ZPBP: variants seen among roughly 807,000 people sequenced by gnomAD.
The protein encoded by ZPBP is zona pellucida binding protein.
A neutral mutation model predicts 44.8 loss-of-function variants in ZPBP; 26 were observed. That is an observed-to-expected ratio of 0.58 (90% CI 0.43 to 0.81). The LOEUF is 0.81. Among genes scored for constraint, ZPBP ranks in the 30% least tolerant of loss-of-function variants. The pLI, the probability that ZPBP is intolerant of heterozygous loss-of-function variation, is 0.00. For missense variants in ZPBP, 409 were observed against 434.0 expected, an observed-to-expected ratio of 0.94 and a Z score of 0.51; for synonymous variants, 174 against 153.2, an observed-to-expected ratio of 1.14 and a Z score of -1.00.
At chr7:49,874,475 A>G (rs1407240817) in intron 2 of ZPBP, among the ~76,000 whole-genome samples, 1 of 152,162 alleles carries the variant, frequency 6.6e-6, no homozygotes, top group African/African-American at 2.4e-5. Flanking sequence ...TCTGATGTTC[A>G]CATAACAACA....
At chr7:50,087,187 A>G (rs1802704614) in intron 2 of ZPBP, among the ~76,000 whole-genome samples, 1 of 152,002 alleles carries the variant, frequency 6.6e-6, no homozygotes, top group African/African-American at 2.4e-5. Context: ...TTACATACCA[A>G]CTTGTTCTAT....
intron 1 of ZPBP, 23 bp downstream of exon 1, chr7:50,093,045 G>C (rs201955544): frequency 3.8e-6 from 6 of 1,591,558 alleles, no homozygotes; most frequent in South Asian, 3.4e-5. Flanking sequence ...CTGCGGAGCC[G>C]GCAGGGCGGC....
chr7:50,058,196 A>G, intron 3 of ZPBP, 55 bp from the exon 4 acceptor site: 1 of 1,574,204 alleles, frequency 6.4e-7, no homozygotes, highest in Middle Eastern at 1.7e-4. Context: ...ACAAGTACCA[A>G]AACATTTTCT....
At chr7:49,956,674 G>A (rs1290561028) in intron 7 of ZPBP, among the ~76,000 whole-genome samples, 2 of 151,980 alleles carry the variant, frequency 1.3e-5, no homozygotes, top group Non-Finnish European at 1.5e-5. Flanking sequence ...CTATGTTCAT[G>A]GATCTAAAGA....
At chr7:49,908,463 T>C (rs905428029) in intron 1 of ZPBP, among the ~76,000 whole-genome samples, 1 of 152,278 alleles carries the variant, frequency 6.6e-6, no homozygotes, top group East Asian at 1.9e-4. Flanking sequence ...TATGTTAAAA[T>C]GTTTCATTGT....
chr7:50,082,245 C>T (rs1802403288), intron 2 of ZPBP, among the ~76,000 whole-genome samples: 2 of 151,832 alleles, frequency 1.3e-5, no homozygotes, highest in Non-Finnish European at 3.0e-5. Flanking sequence ...TATATCTACA[C>T]TTTATCTGTT....
chr7:49,875,390 A>AAAAAC (rs1325759096), intron 2 of ZPBP, among the ~76,000 whole-genome samples: 1 of 150,126 alleles, frequency 6.7e-6, no homozygotes, highest in Non-Finnish European at 1.5e-5. Context: ...AAAAAAAAAA[A>AAAAAC]AAAAAAACAG....
chr7:50,057,594 A>C (rs1801023121), intron 4 of ZPBP, among the ~76,000 whole-genome samples: 1 of 152,206 alleles, frequency 6.6e-6, no homozygotes, highest in Non-Finnish European at 1.5e-5. Context: ...AATCCACCAG[A>C]AAAGGAATTT....
chr7:49,933,914 AG>A (rs1794540542), downstream of ZPBP, among the ~76,000 whole-genome samples: 3 of 92,366 alleles, frequency 3.2e-5, no homozygotes, highest in South Asian at 1.3e-3. Flanking sequence ...GGCTGGGGGG[AG>A]GGGGGAGGGA....
intron 6 of ZPBP, among the ~76,000 whole-genome samples, chr7:50,016,557 A>C (rs1299978688): frequency 1.6e-4 from 25 of 152,296 alleles, no homozygotes. Flanking sequence ...AAAAGAAAAA[A>C]GAATAAATAA....
At chr7:49,851,056 G>A (rs563785934) in intron 2 of ZPBP, among the ~76,000 whole-genome samples, 1 of 152,308 alleles carries the variant, frequency 6.6e-6, no homozygotes, top group Admixed American at 6.5e-5. Context: ...GTCCCACAGA[G>A]TCAGTTTCTT....
chr7:49,945,153 T>C (rs912459708), intron 7 of ZPBP, among the ~76,000 whole-genome samples: 8 of 152,184 alleles, frequency 5.3e-5, no homozygotes, highest in African/African-American at 1.7e-4. Context: ...TCATATAGTT[T>C]CAAAATTCCT....
chr7:49,907,933 A>G (rs1793193188), intron 1 of ZPBP, among the ~76,000 whole-genome samples: 2 of 152,156 alleles, frequency 1.3e-5, no homozygotes, highest in Non-Finnish European at 2.9e-5. Context: ...CAGACCTATA[A>G]AGGTGCCAGA....
At chr7:49,894,344 C>T (rs184903978) in intron 2 of ZPBP, among the ~76,000 whole-genome samples, 30 of 152,238 alleles carry the variant, frequency 2.0e-4, no homozygotes, top group Admixed American at 1.5e-3. Flanking sequence ...TTTGTAGAGA[C>T]GGGGTTTTGA....
chr7:49,935,231 G>C (rs1794580463), downstream of ZPBP, among the ~76,000 whole-genome samples: 1 of 152,094 alleles, frequency 6.6e-6, no homozygotes, highest in Non-Finnish European at 1.5e-5. Context: ...CATGAAGCTA[G>C]GAGTATCCTA....
chr7:49,932,423 T>A (rs1320674707), intron 1 of ZPBP, among the ~76,000 whole-genome samples: 1 of 152,254 alleles, frequency 6.6e-6, no homozygotes, highest in Non-Finnish European at 1.5e-5. Flanking sequence ...AAGGAGATCA[T>A]TTCAGAGCTT....
chr7:50,092,003 T>C (rs1161347851), intron 1 of ZPBP, among the ~76,000 whole-genome samples: 1 of 152,224 alleles, frequency 6.6e-6, no homozygotes, highest in Admixed American at 6.5e-5. Context: ...TTACAGTTAC[T>C]GTAGAAAATG....
At chr7:50,091,464 T>C (rs1230795997) in intron 1 of ZPBP, among the ~76,000 whole-genome samples, 2 of 152,186 alleles carry the variant, frequency 1.3e-5, no homozygotes, top group Non-Finnish European at 2.9e-5. Flanking sequence ...GATCCTCATC[T>C]CTCACCTTAC....
intron 4 of ZPBP, among the ~76,000 whole-genome samples, chr7:50,040,908 C>G (rs755503800): frequency 1.3e-5 from 2 of 152,190 alleles, no homozygotes; most frequent in East Asian, 1.9e-4. Flanking sequence ...GATCCACTGG[C>G]TTGAAATTCT....
Sources: allele counts gnomAD v4.1 joint callset (sites outside exome capture counted in the v4.1 genomes callset), GRCh38; gene constraint gnomAD v4.1.1; transcripts MANE v1.5; gene names NCBI Gene and HGNC (gene_info 2026-07-23, HGNC 2026-07-21).